Variants in RPA1 observed in about 807,000 individuals in gnomAD.
RPA1 encodes replication protein A 70 kDa DNA-binding subunit.
In RPA1, 49 loss-of-function variants were observed where a neutral mutation model predicts 83.0. The observed-to-expected ratio is 0.59, with a 90% CI of 0.47 to 0.75. RPA1 has a LOEUF of 0.75. Ranked by LOEUF, RPA1 falls within the 30% of genes least tolerant of loss-of-function variation. The pLI, the probability that RPA1 is intolerant of heterozygous loss-of-function variation, is 0.00. For synonymous variants in RPA1, 279 were observed against 281.8 expected (o/e 0.99, Z 0.10); for missense variants, 693 against 776.1 (o/e 0.89, Z 1.27).
At chr17:1,866,258 AT>A (rs1212884877) in intron 5 of RPA1, among the ~76,000 whole-genome samples, 1 of 151,480 alleles carries the variant, frequency 6.6e-6, no homozygotes, top group African/African-American at 2.4e-5. Flanking sequence ...CAACAAAAAA[AT>A]TTTTTTTTGG....
Position 1,879,395 on chromosome 17 carries a change from G to C in RPA1, c.940G>C (p.Asp314His). The C allele has an allele frequency of 6.2e-7, 1 of 1,614,158 alleles. No individual in the cohort carries two copies. Among genetic ancestry groups the C allele is most frequent in the South Asian group, 1.1e-5 (1 of 91,080 alleles). Reference sequence around the variant, plus strand: ...TGATGACCTCGAGAACAAGTCGAAAGACTCACTTGTAGGTAAGCTCGTGTA... The same window carrying C: ...TGATGACCTCGAGAACAAGTCGAAACACTCACTTGTAGGTAAGCTCGTGTA... ...GIDDLENKSK[D>H]SLVDIIGICK... The change falls in exon 10 of 17, where the codon GAC (aspartate) becomes CAC (histidine). Residue 314 changes from aspartate to histidine, a missense_variant. Asp to His is a moderately conservative substitution (Grantham distance 81, BLOSUM62 -1). Coordinates refer to ENST00000254719, the MANE Select transcript of RPA1 (RefSeq NM_002945.5).
intron 5 of RPA1, among the ~76,000 whole-genome samples, chr17:1,867,979 G>A (rs1913240622): frequency 6.6e-6 from 1 of 151,876 alleles, no homozygotes; most frequent in Non-Finnish European, 1.5e-5. Flanking sequence ...ACCTGCCGGG[G>A]AGGCCGAGTC....
chr17:1,839,283 C>T (rs1280706024), intron 1 of RPA1, among the ~76,000 whole-genome samples: 1 of 152,070 alleles, frequency 6.6e-6, no homozygotes, highest in Middle Eastern at 3.2e-3. Flanking sequence ...TATAGTAAAT[C>T]TTGAAATCTG....
chr17:1,872,540 C>T lies in RPA1; in HGVS notation c.454+14C>T, dbSNP rs369428132. 2.2e-5 allele frequency: 35 copies of T among 1,612,536 alleles called. No homozygotes were observed. The highest frequency in any genetic ancestry group is 2.7e-5 in the African/African-American group (2 of 74,886). Reference sequence around the variant, plus strand: ...GCTCGGGAATGGGTGAGATGCCTCACGGGGCGTGCGCTGACCAGGGGTGTC... The same window carrying T: ...GCTCGGGAATGGGTGAGATGCCTCATGGGGCGTGCGCTGACCAGGGGTGTC... On this transcript the variant is annotated intron_variant, in intron 6 of 16. Transcript: ENST00000254719.
At chr17:1,877,148 G>T (rs1913601204) in intron 7 of RPA1, 64 bp from the exon 8 acceptor site, 11 of 1,455,620 alleles carry the variant, frequency 7.6e-6, no homozygotes, top group South Asian at 2.3e-5. Flanking sequence ...GTAGGAAGAT[G>T]ATTTCTTACT....
chr17:1,862,094 G>C (rs953276958), intron 5 of RPA1, among the ~76,000 whole-genome samples: 2 of 149,198 alleles, frequency 1.3e-5, no homozygotes, highest in African/African-American at 2.5e-5. Flanking sequence ...GGGTTTCACT[G>C]TGTTAGCCAG....
rs181937322 is a variant in RPA1, at chr17:1,831,200, C to T, written c.33+1074C>T. On this transcript the variant is annotated intron_variant, in intron 1 of 16. Transcript: ENST00000254719. ...TCCATGCTTCAGAGGGTTTTAAGTT[C>T]AGTATACGTATCCCAAAGCAAATTC... 9.9e-4 allele frequency among the ~76,000 whole-genome samples: 151 copies of T among 152,292 alleles called. 2 individuals are homozygous for T. Among genetic ancestry groups the T allele is most frequent in the African/African-American group, 3.3e-3 (138 of 41,576 alleles).
chr17:1,896,022 G>T (rs1238424703), intron 16 of RPA1, among the ~76,000 whole-genome samples: 1 of 152,136 alleles, frequency 6.6e-6, no homozygotes, highest in Non-Finnish European at 1.5e-5. Context: ...AGCATGGTCT[G>T]CCAGGTAACT....
At chr17:1,841,453 G>A (rs1189668844) in intron 1 of RPA1, among the ~76,000 whole-genome samples, 3 of 151,990 alleles carry the variant, frequency 2.0e-5, no homozygotes, top group South Asian at 2.1e-4. Flanking sequence ...ACAGGCATGC[G>A]CCACCACGCC....
rs1913832775 is a variant in RPA1 at position 1,882,497 on chromosome 17, A to G, written c.1242-1315A>G. On this transcript the variant is annotated intron_variant, in intron 12 of 16. Coordinates refer to ENST00000254719, the MANE Select transcript of RPA1 (RefSeq NM_002945.5). ...TGGTGAAACCTCGTCTCTACAAAAA[A>G]TACAAAAATCAGCCGGGCCTGTAGT... is the stretch of plus-strand genomic sequence containing the variant. Among the ~76,000 whole-genome samples, 2 of 151,996 alleles carry G rather than the reference A, an allele frequency of 1.3e-5. 1 individual carries two copies. Among genetic ancestry groups the G allele is most frequent in the South Asian group, 4.2e-4 (2 of 4,816 alleles).
intron 4 of RPA1, among the ~76,000 whole-genome samples, chr17:1,846,585 G>T (rs1382360930): frequency 6.6e-6 from 1 of 152,132 alleles, no homozygotes; most frequent in African/African-American, 2.4e-5. Flanking sequence ...CTCCCAAAGT[G>T]CTGGGATTAC....
At chr17:1,858,536 T>C (rs1176068700) in intron 5 of RPA1, 4 of 742,828 alleles carry the variant, frequency 5.4e-6, no homozygotes, top group Non-Finnish European at 7.0e-6. Flanking sequence ...CAATCTCGGC[T>C]CACTGCAGCC....
In RPA1 at chr17:1,879,641, A is replaced by G; in HGVS notation, c.1034A>G (p.Asn345Ser). The G allele has an allele frequency of 6.2e-7, 1 of 1,614,240 alleles. No homozygotes were observed. Among genetic ancestry groups the G allele is most frequent in the Non-Finnish European group, 8.5e-7 (1 of 1,180,038 alleles). The change falls in exon 11 of 17, where the codon AAT (asparagine) becomes AGT (serine). Residue 345 changes from asparagine (N) to serine (S), a missense_variant. Asn to Ser is a conservative substitution (Grantham distance 46). Coordinates refer to ENST00000254719, the MANE Select transcript of RPA1 (RefSeq NM_002945.5). ...AACAACAGAGAAGTTGCCAAGAGGAATATCTACTTGATGGACACATCCGGG... is the reference window on the plus strand; with the variant it reads ...AACAACAGAGAAGTTGCCAAGAGGAGTATCTACTTGATGGACACATCCGGG... ...RSNNREVAKR[N>S]IYLMDTSGKV... is the part of the protein sequence containing the mutation.
intron 1 of RPA1, among the ~76,000 whole-genome samples, chr17:1,831,062 G>A (rs959730029): frequency 2.0e-5 from 3 of 152,088 alleles, no homozygotes; most frequent in African/African-American, 7.2e-5. Context: ...CACCGCGCCT[G>A]GCCCCAAGGC....
intron 4 of RPA1, among the ~76,000 whole-genome samples, chr17:1,847,573 G>C (rs1912309549): frequency 6.6e-6 from 1 of 152,090 alleles, no homozygotes; most frequent in Non-Finnish European, 1.5e-5. Flanking sequence ...TGATCATTCA[G>C]GTTTATTCTA....
At chr17:1,863,310 C>G (rs1913056981) in intron 5 of RPA1, among the ~76,000 whole-genome samples, 1 of 152,002 alleles carries the variant, frequency 6.6e-6, no homozygotes, top group Non-Finnish European at 1.5e-5. Context: ...CTCCCGGGCT[C>G]AAGCGATTCT....
Position 1,843,975 on chromosome 17 carries a change from G to A in RPA1, c.140G>A (p.Ser47Asn). 1 of 1,613,906 alleles carries A rather than the reference G, an allele frequency of 6.2e-7. No individual in the cohort carries two copies. Among genetic ancestry groups the A allele is most frequent in the Non-Finnish European group, 8.5e-7 (1 of 1,179,914 alleles). ...CCGCCGCGTTATCGACTGCTCATGA[G>A]TGATGGATTGAACACTCTATCCTGT... is the stretch of plus-strand genomic sequence containing the variant. ...NSPPRYRLLM[S>N]DGLNTLSSFM... is the part of the protein sequence containing the mutation. The change falls in exon 3 of 17, where the codon AGT becomes AAT. Residue 47 changes from serine (S) to asparagine (N), a missense_variant. Transcript: ENST00000254719.
At chr17:1,880,721 A>G in intron 12 of RPA1, 30 bp downstream of exon 12, 1 of 1,608,144 alleles carries the variant, frequency 6.2e-7, no homozygotes, top group Non-Finnish European at 8.5e-7. Flanking sequence ...ACAAAGGGTT[A>G]CTTGAGGCTG....
intron 14 of RPA1, among the ~76,000 whole-genome samples, chr17:1,890,935 A>G (rs998330900): frequency 6.6e-6 from 1 of 152,174 alleles, no homozygotes; most frequent in Non-Finnish European, 1.5e-5. Context: ...TCTTAGAAGG[A>G]TAGCGTGGGT....
Sources: gnomAD v4.1 joint callset for allele counts (sites outside exome capture counted in the v4.1 genomes callset) on GRCh38, gnomAD v4.1.1 for gene constraint, MANE v1.5 for transcripts, NCBI Gene and HGNC (gene_info 2026-07-23, HGNC 2026-07-21) for gene names.